The following MYO7A variants were observed in gnomAD, a reference collection of about 807,000 sequenced individuals.
MYO7A encodes the protein myosin VIIA, also known as unconventional myosin-VIIa.
Under a neutral mutation model 263.8 loss-of-function variants are expected in MYO7A, and 210 were observed. The ratio of observed to expected loss-of-function variants is 0.80; its 90% CI spans 0.71 to 0.89. The LOEUF (loss-of-function observed/expected upper bound fraction) is 0.89, where lower values mean the gene tolerates loss of function less well. MYO7A is among the 40% of genes least tolerant of loss of function. The pLI is 0.00. For synonymous variants in MYO7A, 1,239 were observed against 1,197.3 expected, an observed-to-expected ratio of 1.03 and a Z score of -0.72; for missense variants, 2,820 against 2,968.3, an observed-to-expected ratio of 0.95 and a Z score of 1.16.
At chr11:77,192,934 TGTGATGGTGGAGGTAGTGATGGTGTTG>T (rs1956241986) in intron 31 of MYO7A, among the ~76,000 whole-genome samples, 2 of 3,476 alleles carry the variant, frequency 5.8e-4, no homozygotes, top group Non-Finnish European at 1.3e-3. Flanking sequence ...TGGTGTTGTT[TGTGATGGTGGAGGTAGTGATGGTGTTG>T]GTGATGGTGG....
intron 19 of MYO7A, among the ~76,000 whole-genome samples, chr11:77,178,532 A>C (rs942179713): frequency 6.6e-6 from 1 of 151,952 alleles, no homozygotes; most frequent in Non-Finnish European, 1.5e-5. Flanking sequence ...TCCTTTATTT[A>C]TTTCTACATT....
intron 14 of MYO7A, among the ~76,000 whole-genome samples, chr11:77,163,735 C>T (rs541474864): frequency 2.6e-5 from 4 of 152,216 alleles, no homozygotes; most frequent in South Asian, 2.1e-4. Context: ...TTTTCATCCA[C>T]GTTGTAGCAT....
chr11:77,163,421 G>T (rs1379887218), intron 14 of MYO7A, among the ~76,000 whole-genome samples: 2 of 152,150 alleles, frequency 1.3e-5, no homozygotes, highest in Non-Finnish European at 2.9e-5. Flanking sequence ...GTCAATCATT[G>T]TAGAGTGTAG....
intron 3 of MYO7A, among the ~76,000 whole-genome samples, chr11:77,147,178 TGAG>T (rs1470801121): frequency 2.0e-5 from 3 of 152,248 alleles, no homozygotes; most frequent in African/African-American, 4.8e-5. Context: ...TTTGCCAGCC[TGAG>T]GAGTTGTTTT....
intron 7 of MYO7A, 69 bp from the exon 8 acceptor site, chr11:77,157,210 C>T (rs1952558489): frequency 1.4e-6 from 2 of 1,400,772 alleles, no homozygotes; most frequent in South Asian, 1.2e-5. Context: ...ACCATCATCC[C>T]AGGCTAGTTC....
Position 77,189,368 on chromosome 11 carries a change from C to G in MYO7A, c.3528C>G (p.Ser1176Arg). The G allele has an allele frequency of 1.2e-6, 2 of 1,613,708 alleles. No individual in the cohort carries two copies. Among genetic ancestry groups the G allele is most frequent in the Non-Finnish European group, 1.7e-6 (2 of 1,179,870 alleles). Residue 1176 changes from serine to arginine, a missense_variant, in exon 28 of 49, where the codon AGC becomes AGG. Transcript: ENST00000409709. ...GGGACGAGATCTACTGCCAGATCAG[C>G]AAGCAGCTGACCCACAACCCCTCCA... Reference protein sequence around the residue: ...ALRDEIYCQISKQLTHNPSKS... With the variant: ...ALRDEIYCQIRKQLTHNPSKS...
chr11:77,203,763 A>G (rs1957242592), intron 38 of MYO7A, among the ~76,000 whole-genome samples: 1 of 152,120 alleles, frequency 6.6e-6, no homozygotes, highest in Non-Finnish European at 1.5e-5. Context: ...GGGCTTAGGC[A>G]GGGTTCCCAA....
chr11:77,182,396 G>A, intron 24 of MYO7A, 28 bp from the exon 25 acceptor site: 4 of 1,597,102 alleles, frequency 2.5e-6, no homozygotes, highest in Non-Finnish European at 3.4e-6. Flanking sequence ...CCTCCGCTCT[G>A]GCCTCTGACA....
chr11:77,184,322 T>C (rs1044325217), intron 26 of MYO7A, among the ~76,000 whole-genome samples: 2 of 151,938 alleles, frequency 1.3e-5, no homozygotes, highest in Admixed American at 1.3e-4. Flanking sequence ...GGGTGTGGGG[T>C]GCAGGGTATC....
chr11:77,179,005 C>A, intron 19 of MYO7A, 40 bp from the exon 20 acceptor site: 1 of 1,535,854 alleles, frequency 6.5e-7, no homozygotes, highest in Non-Finnish European at 8.8e-7. Context: ...CCCTGGCTGC[C>A]TCTGGACACT....
chr11:77,187,515 C>T (rs567395410), intron 27 of MYO7A, among the ~76,000 whole-genome samples: 5 of 152,252 alleles, frequency 3.3e-5, no homozygotes, highest in East Asian at 1.9e-4. Flanking sequence ...ACCCCGCTGC[C>T]GCCAGCTCAC....
chr11:77,208,503 G>A lies in MYO7A; in HGVS notation c.5930G>A (p.Arg1977Gln), dbSNP rs762420918. ...RHLTDWIKKA[R>Q]PIKDGIVPSL... is the part of the protein sequence containing the mutation. ...TTGACAGACTGGATAAAGAAAGCTC[G>A]GCCCATCAAGGACGGTAATGAGGCC... Residue 1977 changes from arginine (R) to glutamine (Q), a missense_variant, in exon 43 of 49, where the codon CGG becomes CAG. By Grantham distance (43) the Arg-to-Gln change is conservative. Coordinates refer to ENST00000409709, the MANE Select transcript of MYO7A (RefSeq NM_000260.4). 5.0e-5 allele frequency: 81 copies of A among 1,613,020 alleles called. No individual in the cohort carries two copies. In the East Asian group the frequency reaches 6.0e-4, roughly 12 times the overall value.
intron 11 of MYO7A, 108 bp from the exon 12 acceptor site, chr11:77,160,865 A>T (rs936917198): frequency 1.5e-6 from 2 of 1,312,786 alleles, no homozygotes. Flanking sequence ...TTCACACGGC[A>T]CTTTGTTCCA....
At chr11:77,191,678 C>T (rs1956086808) in intron 30 of MYO7A, among the ~76,000 whole-genome samples, 1 of 152,206 alleles carries the variant, frequency 6.6e-6, no homozygotes, top group Admixed American at 6.5e-5. Context: ...CCCCCAGCAA[C>T]GTCATGCTCA....
intron 1 of MYO7A, among the ~76,000 whole-genome samples, chr11:77,128,723 C>A (rs373228256): frequency 3.9e-5 from 6 of 152,294 alleles, no homozygotes; most frequent in African/African-American, 1.4e-4. Context: ...TGTTGTCCAT[C>A]GAATCTTCTC....
chr11:77,201,347 A>G (rs1957048419), intron 35 of MYO7A, 101 bp from the exon 36 acceptor site: 2 of 1,189,694 alleles, frequency 1.7e-6, no homozygotes, highest in South Asian at 1.5e-5. Context: ...CAGAGTGGCA[A>G]GTGGGCAGAC....
intron 15 of MYO7A, among the ~76,000 whole-genome samples, chr11:77,167,979 G>T (rs770449902): frequency 5.3e-5 from 8 of 152,184 alleles, no homozygotes; most frequent in Non-Finnish European, 1.2e-4. Context: ...CTGGCACCCA[G>T]GAGAGTCCCC....
Position 77,214,902 on chromosome 11 carries a change from C to T in MYO7A, c.*206C>T. 1.8e-6 allele frequency: 1 copy of T among 551,000 alleles called. No individual in the cohort carries two copies. The highest frequency in any genetic ancestry group is 3.2e-6 in the Non-Finnish European group (1 of 308,374). The allele number at this position is 551,000 out of a possible 1,614,324, so 34.1% of individuals were successfully genotyped here. A position where few individuals can be genotyped will look rare whatever the true frequency, so the allele number is the denominator to read the frequency against. On this transcript the variant is annotated 3_prime_UTR_variant, in exon 49 of 49. Coordinates refer to ENST00000409709, the MANE Select transcript of MYO7A (RefSeq NM_000260.4). ...GGATGCAGAACTTCCCTCCATCCAC[C>T]CCTCTGGCACCTGGGTTGGTCTAAT...
chr11:77,168,621 C>T (rs1953789309), intron 15 of MYO7A, among the ~76,000 whole-genome samples: 1 of 152,050 alleles, frequency 6.6e-6, no homozygotes, highest in African/African-American at 2.4e-5. Context: ...ATAGTGAGAC[C>T]CTGTGTCTAC....
Sources: gnomAD v4.1 joint callset for allele counts (sites outside exome capture counted in the v4.1 genomes callset) on GRCh38, gnomAD v4.1.1 for gene constraint, MANE v1.5 for transcripts, NCBI Gene and HGNC (gene_info 2026-07-23, HGNC 2026-07-21) for gene names.